PPP1R9A: variants seen among roughly 807,000 people sequenced by gnomAD.
PPP1R9A encodes neurabin-1.
A neutral mutation model predicts 141.9 loss-of-function variants in PPP1R9A; 59 were observed. The observed-to-expected ratio is 0.42, with a 90% confidence interval of 0.34 to 0.52. PPP1R9A has a LOEUF of 0.52. Among genes scored for constraint, PPP1R9A ranks in the 20% least tolerant of loss-of-function variants. The pLI, the probability that PPP1R9A is intolerant of heterozygous loss-of-function variation, is 0.10. For synonymous variants in PPP1R9A, 500 were observed against 569.7 expected (o/e 0.88, Z 1.74); for missense variants, 1,444 against 1,611.9 (o/e 0.90, Z 1.78).
intron 8 of PPP1R9A, among the ~76,000 whole-genome samples, chr7:95,229,372 C>A (rs1795587975): frequency 6.6e-6 from 1 of 151,920 alleles, no homozygotes; most frequent in African/African-American, 2.4e-5. Context: ...AGGGTGAGTT[C>A]TCAGCCCTGG....
intron 12 of PPP1R9A, 102 bp downstream of exon 12, chr7:95,252,232 CCTACTATGGGAAAGAAGAAA>C: frequency 2.4e-6 from 3 of 1,264,692 alleles, no homozygotes; most frequent in Non-Finnish European, 3.1e-6. Flanking sequence ...GAAATACCTT[CCTACTATGGGAAAGAAGAAA>C]AGGCTTATCA....
intron 16 of PPP1R9A, among the ~76,000 whole-genome samples, chr7:95,274,923 C>A (rs1802883794): frequency 6.6e-6 from 1 of 152,092 alleles, no homozygotes; most frequent in Admixed American, 6.5e-5. Flanking sequence ...ATAACAGTAC[C>A]TTTTACATAA....
chr7:95,103,392 G>T (rs1214368879), intron 2 of PPP1R9A, among the ~76,000 whole-genome samples: 3 of 43,958 alleles, frequency 6.8e-5, no homozygotes, highest in Non-Finnish European at 1.1e-4. Flanking sequence ...AGACAGTCTC[G>T]CTCTGTTGCC....
At chr7:95,131,956 T>C (rs1221205597) in intron 4 of PPP1R9A, among the ~76,000 whole-genome samples, 1 of 152,210 alleles carries the variant, frequency 6.6e-6, no homozygotes, top group African/African-American at 2.4e-5. Context: ...TGTGTTATTG[T>C]AAATGGAATT....
chr7:95,284,128 G>A lies in PPP1R9A; in HGVS notation c.3407G>A (p.Gly1136Glu). ...PFSWFNDSRK[G>E]SYSFRNLPAP... ...TCATGGTTTAATGACAGCCGGAAAGGATCCTATTCCTTCAGGAACCTGCCT... is the reference window on the plus strand; with the variant it reads ...TCATGGTTTAATGACAGCCGGAAAGAATCCTATTCCTTCAGGAACCTGCCT... Residue 1136 changes from glycine (G) to glutamate (E), a missense_variant, in exon 17 of 20, where the codon GGA becomes GAA. Transcript: ENST00000433360. 5 of 1,590,666 alleles carry A rather than the reference G, an allele frequency of 3.1e-6. No individual in the cohort carries two copies. Among genetic ancestry groups the A allele is most frequent in the Non-Finnish European group, 4.3e-6 (5 of 1,171,772 alleles).
At chr7:95,154,416 A>G (rs1435590999) in intron 4 of PPP1R9A, among the ~76,000 whole-genome samples, 2 of 152,062 alleles carry the variant, frequency 1.3e-5, no homozygotes, top group African/African-American at 4.8e-5. Flanking sequence ...AAATTTGTTG[A>G]GGCTTGTCTT....
At chr7:95,220,871 T>C (rs988355721) in intron 7 of PPP1R9A, among the ~76,000 whole-genome samples, 2 of 152,056 alleles carry the variant, frequency 1.3e-5, no homozygotes, top group East Asian at 1.9e-4. Context: ...TCTTGAATCC[T>C]TGGGGCAGGT....
At chr7:95,053,881 C>T (rs1360878241) in intron 2 of PPP1R9A, among the ~76,000 whole-genome samples, 4 of 152,116 alleles carry the variant, frequency 2.6e-5, no homozygotes, top group Non-Finnish European at 5.9e-5. Context: ...TTATACATTG[C>T]TCTATAGAAG....
chr7:95,047,243 A>G (rs1457917311), intron 2 of PPP1R9A, among the ~76,000 whole-genome samples: 1 of 152,220 alleles, frequency 6.6e-6, no homozygotes, highest in Non-Finnish European at 1.5e-5. Flanking sequence ...ATACATGAAT[A>G]AATTTTATCA....
At chr7:94,996,455 A>G (rs1198680141) in intron 2 of PPP1R9A, among the ~76,000 whole-genome samples, 1 of 152,192 alleles carries the variant, frequency 6.6e-6, no homozygotes, top group African/African-American at 2.4e-5. Flanking sequence ...AAGAACTCCT[A>G]CAGATGAGTT....
intron 4 of PPP1R9A, among the ~76,000 whole-genome samples, chr7:95,140,653 A>G (rs1826497689): frequency 6.6e-6 from 1 of 152,154 alleles, no homozygotes; most frequent in Non-Finnish European, 1.5e-5. Flanking sequence ...AGGCTCCTAA[A>G]GTGCTGGGAT....
At chr7:95,030,953 A>G (rs918639487) in intron 2 of PPP1R9A, among the ~76,000 whole-genome samples, 3 of 152,156 alleles carry the variant, frequency 2.0e-5, no homozygotes, top group African/African-American at 7.2e-5. Context: ...AGTTGTGGGG[A>G]ATATAGGGCA....
chr7:94,926,088 A>G (rs2150771902), intron 2 of PPP1R9A, among the ~76,000 whole-genome samples: 1 of 152,264 alleles, frequency 6.6e-6, no homozygotes, highest in Middle Eastern at 3.4e-3. Context: ...TCAGCCTCTA[A>G]AGTGCTGGGA....
chr7:94,907,932 G>A (rs530279596), intron 1 of PPP1R9A: 4 of 147,790 alleles, frequency 2.7e-5, no homozygotes, highest in African/African-American at 7.3e-5. Flanking sequence ...GCCCGCCGCG[G>A]GCAGGGAGCG....
chr7:95,075,006 C>T (rs1381987401), intron 2 of PPP1R9A, among the ~76,000 whole-genome samples: 2 of 152,068 alleles, frequency 1.3e-5, no homozygotes, highest in East Asian at 1.9e-4. Context: ...ACTACATGTC[C>T]ATGTAATTGG....
chr7:95,075,748 A>C (rs1176499623), intron 2 of PPP1R9A, among the ~76,000 whole-genome samples: 1 of 151,932 alleles, frequency 6.6e-6, no homozygotes, highest in Non-Finnish European at 1.5e-5. Flanking sequence ...GAGGCAGGAG[A>C]GTGGTGTGAA....
At chr7:95,289,944 G>T in intron 19 of PPP1R9A, 147 bp from the exon 20 acceptor site, 1 of 1,340,922 alleles carries the variant, frequency 7.5e-7, no homozygotes. Flanking sequence ...CCAGTGTGTT[G>T]GTTTTTAGCA....
At chr7:95,091,337 CTTTTTTTT>C (rs555627706) in intron 2 of PPP1R9A, among the ~76,000 whole-genome samples, 4 of 75,972 alleles carry the variant, frequency 5.3e-5, no homozygotes, top group Non-Finnish European at 9.7e-5. Flanking sequence ...TGTTTTAACT[CTTTTTTTT>C]TTTTTTTTTT....
chr7:95,247,734 G>T (rs557934381), intron 9 of PPP1R9A, among the ~76,000 whole-genome samples: 2 of 152,084 alleles, frequency 1.3e-5, no homozygotes, highest in African/African-American at 2.4e-5. Context: ...CAATATTTTA[G>T]ATATATATAT....
Sources: allele counts gnomAD v4.1 joint callset (sites outside exome capture counted in the v4.1 genomes callset), GRCh38; gene constraint gnomAD v4.1.1; transcripts MANE v1.5; gene names NCBI Gene and HGNC (gene_info 2026-07-23, HGNC 2026-07-21).